Variants in TRIM33 observed in about 807,000 individuals in gnomAD.
TRIM33 encodes E3 ubiquitin-protein ligase TRIM33.
TRIM33 carries 20 observed loss-of-function variants against 125.4 expected under a neutral mutation model. The observed-to-expected ratio is 0.16, with a 90% CI of 0.11 to 0.23. The LOEUF is 0.23. Ranked by LOEUF, TRIM33 falls within the 10% of genes least tolerant of loss-of-function variation. The probability of loss-of-function intolerance (pLI) is 1.00; values close to 1 mark genes in which losing one functional copy is unlikely to be tolerated. For synonymous variants in TRIM33, 564 were observed against 513.9 expected (o/e 1.10, Z -1.32); for missense variants, 920 against 1,411.4 (o/e 0.65, Z 5.58).
At chr1:114,509,975 T>C (rs1445370752) in intron 1 of TRIM33, among the ~76,000 whole-genome samples, 2 of 152,184 alleles carry the variant, frequency 1.3e-5, no homozygotes, top group Non-Finnish European at 2.9e-5. Context: ...AACCATGCAG[T>C]CCACTTTCCG....
At chr1:114,459,552 T>C (rs1252157472) in intron 4 of TRIM33, among the ~76,000 whole-genome samples, 1 of 152,162 alleles carries the variant, frequency 6.6e-6, no homozygotes, top group African/African-American at 2.4e-5. Flanking sequence ...GGAGGATCAT[T>C]TGAGCCTAAG....
intron 1 of TRIM33, among the ~76,000 whole-genome samples, chr1:114,478,701 A>G (rs1651119038): frequency 6.6e-6 from 1 of 152,244 alleles, no homozygotes; most frequent in African/African-American, 2.4e-5. Context: ...AAGAAGCCAC[A>G]CAGATTAAAA....
chr1:114,407,701 G>A (rs1370681594), intron 13 of TRIM33, among the ~76,000 whole-genome samples: 2 of 152,096 alleles, frequency 1.3e-5, no homozygotes, highest in Admixed American at 1.3e-4. Context: ...ACATACAGAC[G>A]TAACATATAT....
At chr1:114,457,410 A>T (rs575490493) in intron 4 of TRIM33, among the ~76,000 whole-genome samples, 72 of 152,344 alleles carry the variant, frequency 4.7e-4, no homozygotes, top group Admixed American at 1.2e-3. Context: ...GTAGAAAAAA[A>T]TAGCTACTAC....
intron 4 of TRIM33, among the ~76,000 whole-genome samples, chr1:114,435,981 C>A (rs1186721557): frequency 6.8e-6 from 1 of 147,786 alleles, no homozygotes; most frequent in Non-Finnish European, 1.5e-5. Context: ...GATTCTCCTG[C>A]CTCGGCCAAA....
chr1:114,399,937 C>T (rs1651769741), intron 17 of TRIM33, among the ~76,000 whole-genome samples: 3 of 146,720 alleles, frequency 2.0e-5, no homozygotes, highest in South Asian at 4.4e-4. Context: ...AGGAGTTTTT[C>T]TTTTTTTTTT....
chr1:114,460,975 GCAAATGA>G (rs1281583902), intron 4 of TRIM33, among the ~76,000 whole-genome samples: 2 of 151,876 alleles, frequency 1.3e-5, no homozygotes, highest in Non-Finnish European at 2.9e-5. Flanking sequence ...ACCCATTCCA[GCAAATGA>G]CCAAACTCAA....
intron 10 of TRIM33, among the ~76,000 whole-genome samples, chr1:114,423,675 C>G (rs1057440735): frequency 1.3e-5 from 2 of 151,968 alleles, no homozygotes; most frequent in African/African-American, 2.4e-5. Flanking sequence ...GCTGGGATTA[C>G]AGGCGTGAGC....
At chr1:114,457,020 G>A (rs1649667660) in intron 4 of TRIM33, among the ~76,000 whole-genome samples, 1 of 152,098 alleles carries the variant, frequency 6.6e-6, no homozygotes, top group South Asian at 2.1e-4. Flanking sequence ...ACCTACCCCA[G>A]CACTAAATAA....
At chr1:114,437,948 T>C (rs1184047798) in intron 4 of TRIM33, among the ~76,000 whole-genome samples, 1 of 152,154 alleles carries the variant, frequency 6.6e-6, no homozygotes, top group East Asian at 1.9e-4. Flanking sequence ...AGGGTGTTTT[T>C]TGCTGGGCAC....
At chr1:114,410,027 T>A (rs1652480100) in intron 12 of TRIM33, among the ~76,000 whole-genome samples, 157 bp downstream of exon 12, 1 of 152,162 alleles carries the variant, frequency 6.6e-6, no homozygotes, top group Non-Finnish European at 1.5e-5. Context: ...CACAATCACA[T>A]GAGCCAATTC....
intron 18 of TRIM33, among the ~76,000 whole-genome samples, chr1:114,398,208 T>A (rs1162199695): frequency 2.0e-5 from 3 of 152,222 alleles, no homozygotes; most frequent in Non-Finnish European, 4.4e-5. Context: ...GTAATTGTCT[T>A]ATTTTGAATT....
chr1:114,510,472 C>T, intron 1 of TRIM33, 79 bp downstream of exon 1: 1 of 1,349,464 alleles, frequency 7.4e-7, no homozygotes, highest in Non-Finnish European at 9.7e-7. Context: ...GCCCCAGGCC[C>T]CAGCACCTCC....
intron 1 of TRIM33, among the ~76,000 whole-genome samples, chr1:114,489,245 A>G (rs1263886990): frequency 6.6e-6 from 1 of 152,248 alleles, no homozygotes; most frequent in Non-Finnish European, 1.5e-5. Flanking sequence ...CAAAAGAATG[A>G]AACTAGATCT....
chr1:114,443,116 G>GCTCA (rs1648757592), intron 4 of TRIM33, among the ~76,000 whole-genome samples: 1 of 150,166 alleles, frequency 6.7e-6, no homozygotes, highest in Non-Finnish European at 1.5e-5. Flanking sequence ...AGGTGCGGTG[G>GCTCA]CTCACACCTG....
chr1:114,420,182 G>C (rs1653191071), intron 11 of TRIM33, among the ~76,000 whole-genome samples: 1 of 152,330 alleles, frequency 6.6e-6, no homozygotes, highest in Admixed American at 6.5e-5. Flanking sequence ...AGGATCCAAA[G>C]GATACTTTTC....
chr1:114,463,385 G>A (rs1650106213), intron 3 of TRIM33, 27 bp downstream of exon 3: 2 of 1,588,302 alleles, frequency 1.3e-6, no homozygotes, highest in South Asian at 2.2e-5. Flanking sequence ...TGTAATCATT[G>A]TAATGATTAC....
chr1:114,423,852 C>T (rs1006190514), intron 10 of TRIM33, among the ~76,000 whole-genome samples: 1 of 152,108 alleles, frequency 6.6e-6, no homozygotes, highest in Admixed American at 6.6e-5. Context: ...TACTCCCCAC[C>T]TAGAAATTCT....
chr1:114,464,138 C>A, intron 2 of TRIM33, 132 bp downstream of exon 2: 1 of 520,318 alleles, frequency 1.9e-6, no homozygotes, highest in Non-Finnish European at 3.4e-6. Context: ...AGAAAGCTAT[C>A]TTTAACTTTC....
Sources: allele counts gnomAD v4.1 joint callset (sites outside exome capture counted in the v4.1 genomes callset), GRCh38; gene constraint gnomAD v4.1.1; transcripts MANE v1.5; gene names NCBI Gene and HGNC (gene_info 2026-07-23, HGNC 2026-07-21).